FRYL: variants seen among roughly 807,000 people sequenced by gnomAD.
FRYL encodes the protein protein furry homolog-like.
Under a neutral mutation model 351.2 loss-of-function variants are expected in FRYL, and 150 were observed. That is an observed-to-expected ratio of 0.43 (90% CI 0.37 to 0.49). FRYL has a LOEUF of 0.49. Ranked by LOEUF, FRYL falls within the 20% of genes least tolerant of loss-of-function variation. The pLI is 0.00. For missense variants in FRYL, 3,036 were observed against 3,619.3 expected (o/e 0.84, Z 4.13); for synonymous variants, 1,153 against 1,257.1 (o/e 0.92, Z 1.75).
chr4:48,590,633 C>T, intron 17 of FRYL, 26 bp downstream of exon 17: 1 of 1,501,318 alleles, frequency 6.7e-7, no homozygotes. Flanking sequence ...TATTACAAAG[C>T]AACATTTAAT....
intron 1 of FRYL, among the ~76,000 whole-genome samples, chr4:48,751,859 C>A (rs1773280550): frequency 6.9e-6 from 1 of 144,290 alleles, no homozygotes; most frequent in Non-Finnish European, 1.5e-5. Context: ...TTTTTGGTCA[C>A]CTGATTTCCT....
At chr4:48,556,645 C>A (rs1281158994) in intron 35 of FRYL, among the ~76,000 whole-genome samples, 1 of 152,204 alleles carries the variant, frequency 6.6e-6, no homozygotes. Context: ...TTTTTACTCT[C>A]AGAACTCTGC....
In FRYL at chr4:48,512,595, G is replaced by C. The variant is rs375145723; in HGVS notation, c.8031C>G (p.Pro2677=). 3.1e-6 allele frequency: 5 copies of C among 1,613,798 alleles called. No homozygotes were observed. Among genetic ancestry groups the C allele is most frequent in the South Asian group, 1.1e-5 (1 of 91,086 alleles). ...FLSAIIAAFQ[P]VAYDDEEEAW... is the part of the protein sequence containing the mutation. ...CTTCCTCTTCATCATCATATGCCAC[G>C]GGCTGAAAGGCGGCTATGATGGCAG... Residue 2677 remains proline (P), a synonymous_variant, in exon 57 of 64, where the codon CCC becomes CCG. Transcript: ENST00000358350.
At chr4:48,523,409 A>ACTTTG in intron 53 of FRYL, 1 of 234,718 alleles carries the variant, frequency 4.3e-6, no homozygotes, top group Non-Finnish European at 8.4e-6. Context: ...ATACACAAAC[A>ACTTTG]TGAATGAGAC....
At chr4:48,741,857 T>C (rs1772118080) in intron 1 of FRYL, among the ~76,000 whole-genome samples, 1 of 152,148 alleles carries the variant, frequency 6.6e-6, no homozygotes, top group Non-Finnish European at 1.5e-5. Context: ...ACATCAGTAG[T>C]TGCAGGAGGG....
chr4:48,603,168 A>G (rs1746047332), intron 12 of FRYL, 122 bp downstream of exon 12: 2 of 729,052 alleles, frequency 2.7e-6, no homozygotes, highest in Non-Finnish European at 4.7e-6. Context: ...TTGCCCTTGT[A>G]TTGCACTTCA....
At chr4:48,704,526 C>G (rs1767101402) in intron 2 of FRYL, among the ~76,000 whole-genome samples, 1 of 152,024 alleles carries the variant, frequency 6.6e-6, no homozygotes, top group Non-Finnish European at 1.5e-5. Flanking sequence ...ACAACAACAC[C>G]ACAAGGCTGG....
At position 48,609,159 on chromosome 4, in the gene FRYL, T is replaced by C. The variant is rs779550273; in HGVS notation, c.492-92A>G. On this transcript the variant is annotated intron_variant, in intron 8 of 63. Coordinates refer to ENST00000358350, the MANE Select transcript of FRYL (RefSeq NM_015030.2). ...ATATGAAAATTCCTTATCAGAGTATTGTATAATTTTCTCTGAATATTCATT... is the reference window on the plus strand; with the variant it reads ...ATATGAAAATTCCTTATCAGAGTATCGTATAATTTTCTCTGAATATTCATT... The C allele has an allele frequency of 1.8e-4, 132 of 742,816 alleles. 2 individuals are homozygous for C. The highest frequency in any genetic ancestry group is 2.7e-4 in the Non-Finnish European group (118 of 434,950). The allele number at this position is 742,816 out of a possible 1,614,324, so 46.0% of individuals were successfully genotyped here.
chr4:48,630,135 G>C (rs1752664536), intron 4 of FRYL, among the ~76,000 whole-genome samples: 1 of 152,024 alleles, frequency 6.6e-6, no homozygotes. Flanking sequence ...CTTCTTTGGG[G>C]ACTCTGACAA....
At chr4:48,658,592 A>AG (rs1217041357) in intron 3 of FRYL, among the ~76,000 whole-genome samples, 2 of 149,802 alleles carry the variant, frequency 1.3e-5, no homozygotes, top group African/African-American at 4.9e-5. Flanking sequence ...TACAAAAAAA[A>AG]AAAAAAAAAA....
chr4:48,559,528 C>CAAA (rs67320603), intron 33 of FRYL, among the ~76,000 whole-genome samples: 712 of 10,276 alleles, frequency 0.069, 126 homozygotes, highest in Middle Eastern at 0.25. Context: ...CCTCTCTCTC[C>CAAA]AAAAAAAAAA....
intron 1 of FRYL, among the ~76,000 whole-genome samples, chr4:48,724,201 A>G (rs1283323622): frequency 6.6e-6 from 1 of 152,160 alleles, no homozygotes; most frequent in African/African-American, 2.4e-5. Flanking sequence ...ACCAATACTC[A>G]AAGTCCTCCA....
chr4:48,751,007 C>T (rs1773200779), intron 1 of FRYL, among the ~76,000 whole-genome samples: 1 of 152,072 alleles, frequency 6.6e-6, no homozygotes, highest in Non-Finnish European at 1.5e-5. Flanking sequence ...TACAGTTGCC[C>T]CTTGGGACTG....
intron 35 of FRYL, among the ~76,000 whole-genome samples, chr4:48,554,044 T>C (rs1364870493): frequency 1.3e-5 from 2 of 152,212 alleles, no homozygotes; most frequent in Admixed American, 1.3e-4. Flanking sequence ...AGTAACACAG[T>C]ATAAGTAGAA....
intron 3 of FRYL, among the ~76,000 whole-genome samples, chr4:48,639,831 C>A (rs1754986520): frequency 6.6e-6 from 1 of 151,944 alleles, no homozygotes; most frequent in Admixed American, 6.6e-5. Flanking sequence ...ACAAATAACA[C>A]AAGTAAAAAA....
At position 48,550,470 on chromosome 4, in the gene FRYL, T is replaced by C. The variant is rs1732460991; in HGVS notation, c.4633+122A>G. The C allele has an allele frequency of 9.3e-6, 6 of 645,258 alleles. No homozygotes were observed. In the South Asian group the frequency reaches 1.0e-4, roughly 11 times the overall value. 40.0% of individuals were successfully genotyped at this position (645,258 alleles called of 1,614,324 possible). On this transcript the variant is annotated intron_variant, in intron 38 of 63. Transcript: ENST00000358350. ...GTTTCAGATTATGTTGGAACACCACTAGTGGCAGTTAAATACGCTTTTTAA... is the reference window on the plus strand; with the variant it reads ...GTTTCAGATTATGTTGGAACACCACCAGTGGCAGTTAAATACGCTTTTTAA...
chr4:48,625,320 G>C (rs917553283), intron 4 of FRYL, among the ~76,000 whole-genome samples: 4 of 152,120 alleles, frequency 2.6e-5, no homozygotes, highest in Non-Finnish European at 5.9e-5. Flanking sequence ...TGTATAGAAG[G>C]ACATTCACTA....
chr4:48,557,471 C>G lies in FRYL; in HGVS notation c.4107G>C (p.Leu1369=), dbSNP rs1734386432. 6.2e-7 allele frequency: 1 copy of G among 1,614,140 alleles called. No homozygotes were observed. Residue 1369 remains leucine, a synonymous_variant, in exon 34 of 64, where the codon CTG becomes CTC. Transcript: ENST00000358350. ...ATTTTACCTTTGCTGTCATATACAT[C>G]AGATTGTTCAAAACCATTGCAGTGG... ...PQATAMVLNN[L]MYMTAKYGDE...
intron 5 of FRYL, among the ~76,000 whole-genome samples, chr4:48,621,142 T>G (rs1750562816): frequency 6.6e-6 from 1 of 152,234 alleles, no homozygotes; most frequent in African/African-American, 2.4e-5. Flanking sequence ...AACTCCTATG[T>G]GTTCATGTGA....
Sources: gnomAD v4.1 joint callset for allele counts (sites outside exome capture counted in the v4.1 genomes callset) on GRCh38, gnomAD v4.1.1 for gene constraint, MANE v1.5 for transcripts, NCBI Gene and HGNC (gene_info 2026-07-23, HGNC 2026-07-21) for gene names.